ARHGEF37: variants seen among roughly 807,000 people sequenced by gnomAD.
ARHGEF37 encodes Rho guanine nucleotide exchange factor (GEF) 37.
Under a neutral mutation model 71.1 loss-of-function variants are expected in ARHGEF37, and 55 were observed. The ratio of observed to expected loss-of-function variants is 0.77; its 90% confidence interval spans 0.62 to 0.97. The LOEUF (loss-of-function observed/expected upper bound fraction) is 0.97. Ranked by LOEUF, ARHGEF37 falls within the 50% of genes least tolerant of loss-of-function variation. The pLI is 0.00. For missense variants in ARHGEF37, 765 were observed against 836.8 expected, an observed-to-expected ratio of 0.91 and a Z score of 1.06; for synonymous variants, 327 against 350.6, an observed-to-expected ratio of 0.93 and a Z score of 0.75.
At position 149,616,700 on chromosome 5, in the gene ARHGEF37, A is replaced by C; in HGVS notation, c.592A>C (p.Arg198=). 6.2e-7 allele frequency: 1 copy of C among 1,613,936 alleles called. No homozygotes were observed. Among genetic ancestry groups the C allele is most frequent in the Non-Finnish European group, 8.5e-7 (1 of 1,179,866 alleles). The change falls in exon 5 of 13, where the codon AGG becomes CGG. Residue 198 remains arginine (R), a synonymous_variant. Coordinates refer to ENST00000333677, the MANE Select transcript of ARHGEF37 (RefSeq NM_001001669.3). The part of the protein sequence containing the change: ...PDASAYPVLQ[R]AVSALQDVNT... The stretch of plus-strand genomic sequence containing the variant: ...TGCCAGTGCCTATCCTGTCCTTCAG[A>C]GGGCTGTCTCTGCCCTCCAGGACGT...
intron 1 of ARHGEF37, among the ~76,000 whole-genome samples, chr5:149,589,827 A>T (rs1763350010): frequency 6.6e-6 from 1 of 151,318 alleles, no homozygotes; most frequent in Non-Finnish European, 1.5e-5. Context: ...CCGCCTGGCT[A>T]ATTTAAATTT....
intron 1 of ARHGEF37, among the ~76,000 whole-genome samples, chr5:149,565,093 G>A (rs970445080): frequency 6.6e-6 from 1 of 152,222 alleles, no homozygotes; most frequent in African/African-American, 2.4e-5. Context: ...AGCCAGGCAA[G>A]TGTTAGGAGA....
At chr5:149,623,946 A>G in intron 9 of ARHGEF37, 66 bp from the exon 10 acceptor site, 1 of 1,524,976 alleles carries the variant, frequency 6.6e-7, no homozygotes, top group Admixed American at 1.9e-5. Flanking sequence ...TATAAACCCA[A>G]AGCAAGCCAG....
chr5:149,564,442 T>G (rs1378695431), intron 1 of ARHGEF37, among the ~76,000 whole-genome samples: 1 of 152,164 alleles, frequency 6.6e-6, no homozygotes, highest in African/African-American at 2.4e-5. Flanking sequence ...ACCTGCTTTT[T>G]CATTTCTCCC....
chr5:149,627,386 G>A, intron 11 of ARHGEF37, 115 bp downstream of exon 11: 1 of 1,190,982 alleles, frequency 8.4e-7, no homozygotes, highest in Non-Finnish European at 1.2e-6. Flanking sequence ...TTCCAGGATG[G>A]GAGTAGGCAC....
In ARHGEF37 at chr5:149,621,824, A is replaced by G. The variant is rs750202119; in HGVS notation, c.1097A>G (p.Asp366Gly). The change falls in exon 9 of 13, where the codon GAC becomes GGC. Residue 366 changes from aspartate (D) to glycine (G), a missense_variant. Physicochemically the swap from Asp to Gly is moderately conservative, Grantham distance 94 (BLOSUM62 -1). Coordinates refer to ENST00000333677, the MANE Select transcript of ARHGEF37 (RefSeq NM_001001669.3). Reference sequence around the variant, plus strand: ...CAGAACCTGATCAAGAAGCGTCTGGACAAGCTACTGGACTTTGAGCGGGTG... The same window carrying G: ...CAGAACCTGATCAAGAAGCGTCTGGGCAAGCTACTGGACTTTGAGCGGGTG... ...GPQNLIKKRL[D>G]KLLDFERVEE... The G allele has an allele frequency of 1.2e-6, 2 of 1,614,236 alleles. No homozygotes were observed. The highest frequency in any genetic ancestry group is 1.7e-6 in the Non-Finnish European group (2 of 1,180,050).
intron 1 of ARHGEF37, among the ~76,000 whole-genome samples, chr5:149,588,537 G>C (rs1258810531): frequency 6.6e-6 from 1 of 151,964 alleles, no homozygotes; most frequent in African/African-American, 2.4e-5. Flanking sequence ...GGCCTCATGT[G>C]ATCTGCCCGC....
At chr5:149,597,640 C>T in intron 1 of ARHGEF37, 119 bp from the exon 2 acceptor site, 2 of 866,262 alleles carry the variant, frequency 2.3e-6, no homozygotes, top group Non-Finnish European at 3.4e-6. Flanking sequence ...TTCATCTTGA[C>T]TCTGTTTGCA....
At chr5:149,604,438 C>A (rs4705357) in intron 3 of ARHGEF37, among the ~76,000 whole-genome samples, 81,785 of 151,914 alleles carry the variant, frequency 0.54, 22,374 homozygotes, top group East Asian at 0.71. Flanking sequence ...TCCCCTGCAA[C>A]TTTGGCAGTC....
intron 3 of ARHGEF37, among the ~76,000 whole-genome samples, chr5:149,602,142 C>T (rs924471986): frequency 7.5e-4 from 114 of 151,578 alleles, no homozygotes; most frequent in Non-Finnish European, 1.3e-3. Context: ...CTGCAACCTC[C>T]GCCTCCTGGG....
chr5:149,579,387 C>G (rs1169712529), upstream of ARHGEF37, among the ~76,000 whole-genome samples: 1 of 152,140 alleles, frequency 6.6e-6, no homozygotes, highest in Non-Finnish European at 1.5e-5. Flanking sequence ...CTTAGCCACT[C>G]TAAGACTCAC....
At position 149,628,998 on chromosome 5, in the gene ARHGEF37, C is replaced by T. The variant is rs3733659; in HGVS notation, c.1818+32C>T. On this transcript the variant is annotated intron_variant, in intron 12 of 12. Transcript: ENST00000333677. Reference sequence around the variant, plus strand: ...ATAGGAGAGGGCTGGGGGCTTGCCTCCCATCGGCCATCCGGACTGTGGCTT... The same window carrying T: ...ATAGGAGAGGGCTGGGGGCTTGCCTTCCATCGGCCATCCGGACTGTGGCTT... 0.013 allele frequency: 20,176 copies of T among 1,597,380 alleles called. 1,360 individuals carry two copies. In the East Asian group the frequency reaches 0.23, roughly 18 times the overall value.
At chr5:149,567,774 C>T (rs1051448295) in intron 1 of ARHGEF37, among the ~76,000 whole-genome samples, 7 of 152,158 alleles carry the variant, frequency 4.6e-5, no homozygotes. Context: ...TTCTTTTCGG[C>T]ATAAATTGTT....
At chr5:149,589,233 A>ACTTTT (rs1223242355) in intron 1 of ARHGEF37, among the ~76,000 whole-genome samples, 7 of 151,648 alleles carry the variant, frequency 4.6e-5, no homozygotes, top group Non-Finnish European at 2.9e-5. Context: ...TCCTCTTGTT[A>ACTTTT]CTTTTCTCTC....
chr5:149,564,169 C>T (rs567801386), intron 1 of ARHGEF37, among the ~76,000 whole-genome samples: 1 of 152,056 alleles, frequency 6.6e-6, no homozygotes, highest in South Asian at 2.1e-4. Context: ...GTTGACCAGG[C>T]TGGTCTTGAA....
At chr5:149,593,673 T>C (rs565047415) in intron 1 of ARHGEF37, among the ~76,000 whole-genome samples, 27 of 152,360 alleles carry the variant, frequency 1.8e-4, no homozygotes, top group African/African-American at 6.5e-4. Flanking sequence ...ATATGTATTA[T>C]ATACTGTATT....
intron 6 of ARHGEF37, among the ~76,000 whole-genome samples, chr5:149,618,725 G>A (rs531006394): frequency 6.6e-6 from 1 of 152,298 alleles, no homozygotes; most frequent in South Asian, 2.1e-4. Flanking sequence ...CGGCTAGGAA[G>A]CCAATGAACT....
At chr5:149,559,537 T>C (rs193274081) in intron 1 of ARHGEF37, among the ~76,000 whole-genome samples, 42 of 152,350 alleles carry the variant, frequency 2.8e-4, no homozygotes, top group Admixed American at 2.5e-3. Flanking sequence ...TTTGCTAATA[T>C]AAACAAACTA....
At chr5:149,616,828 A>T in intron 5 of ARHGEF37, 62 bp downstream of exon 5, 2 of 1,467,826 alleles carry the variant, frequency 1.4e-6, no homozygotes, top group Non-Finnish European at 1.9e-6. Flanking sequence ...CAGAAAATTT[A>T]TCTAAAATCT....
Sources: allele counts gnomAD v4.1 joint callset (sites outside exome capture counted in the v4.1 genomes callset), GRCh38; gene constraint gnomAD v4.1.1; transcripts MANE v1.5; gene names NCBI Gene and HGNC (gene_info 2026-07-23, HGNC 2026-07-21).